Variants in IL1RL1 observed in about 807,000 individuals in gnomAD.
IL1RL1 encodes the protein interleukin 1 receptor like 1, also known as interleukin-1 receptor-like 1.
A neutral mutation model predicts 50.9 loss-of-function variants in IL1RL1; 32 were observed. That is an observed-to-expected ratio of 0.63 (90% CI 0.47 to 0.84). The LOEUF (loss-of-function observed/expected upper bound fraction) is 0.84, where lower values mean the gene tolerates loss of function less well. IL1RL1 is among the 40% of genes least tolerant of loss of function. The probability of loss-of-function intolerance (pLI) is 0.00; values close to 1 mark genes in which losing one functional copy is unlikely to be tolerated. For missense variants in IL1RL1, 773 were observed against 662.9 expected (o/e 1.17, Z -1.82); for synonymous variants, 275 against 236.0 (o/e 1.17, Z -1.51).
intron 10 of IL1RL1, among the ~76,000 whole-genome samples, chr2:102,351,202 TCTA>T (rs1263799936): frequency 1.3e-5 from 2 of 152,278 alleles, no homozygotes; most frequent in Non-Finnish European, 2.9e-5. Context: ...TAATATGTAT[TCTA>T]AGAAGAATGA....
intron 1 of IL1RL1, among the ~76,000 whole-genome samples, chr2:102,333,926 T>A (rs1017221332): frequency 2.6e-5 from 4 of 152,190 alleles, no homozygotes; most frequent in African/African-American, 9.6e-5. Context: ...ATTCTTTTTA[T>A]GGCTGAATAG....
At position 102,349,065 on chromosome 2, in the gene IL1RL1, G is replaced by A. The variant is rs1677861409; in HGVS notation, c.1118-14G>A. The A allele has an allele frequency of 6.2e-7, 1 of 1,608,708 alleles. No individual in the cohort carries two copies. Among genetic ancestry groups the A allele is most frequent in the Non-Finnish European group, 8.5e-7 (1 of 1,175,676 alleles). ...AATCAAGTAAGAAGTTGTACTTCTT[G>A]TTTTCATTTTCAGATGGAAAGCTCT... On this transcript the variant is annotated splice_polypyrimidine_tract_variant and intron_variant, in intron 9 of 10. Coordinates refer to ENST00000233954, the MANE Select transcript of IL1RL1 (RefSeq NM_016232.5).
chr2:102,319,204 A>G (rs1241758889), intron 1 of IL1RL1, among the ~76,000 whole-genome samples: 1 of 152,128 alleles, frequency 6.6e-6, no homozygotes, highest in Non-Finnish European at 1.5e-5. Flanking sequence ...GAGTCAATTA[A>G]AATATCCTGA....
intron 8 of IL1RL1, chr2:102,343,736 T>C: frequency 1.6e-6 from 2 of 1,253,206 alleles, no homozygotes; most frequent in South Asian, 4.2e-5. Context: ...TGAAAGGAAA[T>C]GCACCAACAA....
chr2:102,339,011 T>A lies in IL1RL1; in HGVS notation c.236T>A (p.Val79Asp), dbSNP rs1313685283. Reference protein sequence around the residue: ...GQLLKFLPAAVADSGIYTCIV... With the variant: ...GQLLKFLPAADADSGIYTCIV... ...CTTCTGAAGTTTCTACCAGCTGCAG[T>A]TGCTGATTCTGGTATTTATACCTGT... is the stretch of plus-strand genomic sequence containing the variant. The change falls in exon 3 of 11, where the codon GTT becomes GAT. Residue 79 changes from valine to aspartate, a missense_variant. Coordinates refer to ENST00000233954, the MANE Select transcript of IL1RL1 (RefSeq NM_016232.5). 1 of 1,613,746 alleles carries A rather than the reference T, an allele frequency of 6.2e-7. No homozygotes were observed. The highest frequency in any genetic ancestry group is 2.2e-5 in the East Asian group (1 of 44,884).
At chr2:102,330,232 T>C (rs1021585797) in intron 1 of IL1RL1, among the ~76,000 whole-genome samples, 2 of 151,098 alleles carry the variant, frequency 1.3e-5, no homozygotes, top group Non-Finnish European at 2.9e-5. Context: ...CAGCAAACTA[T>C]CGCAAGGACA....
At chr2:102,333,812 CCA>C (rs993264638) in intron 1 of IL1RL1, among the ~76,000 whole-genome samples, 39 of 152,184 alleles carry the variant, frequency 2.6e-4, no homozygotes, top group African/African-American at 9.4e-4. Flanking sequence ...GGTTTAGCTC[CCA>C]CATATGAGTA....
At chr2:102,311,993 TATA>T (rs1466061258) in intron 1 of IL1RL1, among the ~76,000 whole-genome samples, 1 of 32,156 alleles carries the variant, frequency 3.1e-5, no homozygotes, top group African/African-American at 2.2e-4. Context: ...ATATATTATA[TATA>T]ATATATTTAT....
intron 5 of IL1RL1, among the ~76,000 whole-genome samples, 188 bp from the exon 6 acceptor site, chr2:102,342,035 C>T (rs1442841682): frequency 1.4e-5 from 2 of 138,964 alleles, no homozygotes; most frequent in African/African-American, 5.7e-5. Flanking sequence ...TATTTAAGTG[C>T]CTTTCTGTTT....
chr2:102,318,986 A>G (rs1676758778), intron 1 of IL1RL1, among the ~76,000 whole-genome samples: 1 of 152,206 alleles, frequency 6.6e-6, no homozygotes, highest in Admixed American at 6.5e-5. Context: ...AAACAAACAA[A>G]CCAAACAAAC....
At chr2:102,327,910 G>A (rs1369479525) in intron 1 of IL1RL1, among the ~76,000 whole-genome samples, 3 of 152,104 alleles carry the variant, frequency 2.0e-5, no homozygotes, top group Admixed American at 6.5e-5. Flanking sequence ...ATTCACAGCC[G>A]AATTCTACCA....
chr2:102,314,622 G>T (rs1369380701), intron 1 of IL1RL1, among the ~76,000 whole-genome samples: 1 of 151,948 alleles, frequency 6.6e-6, no homozygotes, highest in Non-Finnish European at 1.5e-5. Flanking sequence ...GGCCAATTTT[G>T]AGCCCATTCT....
At chr2:102,312,475 G>A (rs1485843017) in intron 1 of IL1RL1, among the ~76,000 whole-genome samples, 2 of 151,938 alleles carry the variant, frequency 1.3e-5, no homozygotes, top group East Asian at 1.9e-4. Flanking sequence ...GAGCTTTATA[G>A]TATACACACA....
intron 1 of IL1RL1, among the ~76,000 whole-genome samples, chr2:102,312,667 G>A (rs1676552508): frequency 6.6e-6 from 1 of 151,974 alleles, no homozygotes; most frequent in Non-Finnish European, 1.5e-5. Flanking sequence ...CATGAGAGGG[G>A]TGGATATGAG....
intron 1 of IL1RL1, among the ~76,000 whole-genome samples, chr2:102,317,417 C>G (rs1676710307): frequency 1.3e-5 from 2 of 152,130 alleles, no homozygotes; most frequent in Non-Finnish European, 2.9e-5. Context: ...CAATATTACA[C>G]TGTTACAGAT....
intron 1 of IL1RL1, among the ~76,000 whole-genome samples, chr2:102,322,353 A>G (rs1329875167): frequency 6.6e-6 from 1 of 152,220 alleles, no homozygotes; most frequent in Non-Finnish European, 1.5e-5. Flanking sequence ...ATATGGAAAA[A>G]TGGAAATAAA....
Position 102,338,102 on chromosome 2 carries a change from A to G in IL1RL1, c.-149-14A>G, listed in dbSNP as rs541282195. On this transcript the variant is annotated splice_polypyrimidine_tract_variant and intron_variant, in intron 1 of 10. Coordinates refer to ENST00000233954, the MANE Select transcript of IL1RL1 (RefSeq NM_016232.5). ...AAAAATTCTGTTTATGGTTTTGTCT[A>G]ACTTATTTTTCAGTTGAGATATAGG... 25 of 450,330 alleles carry G rather than the reference A, an allele frequency of 5.6e-5. No individual in the cohort carries two copies. The South Asian group carries it at 1.2e-3, about 22-fold the overall frequency. The allele number at this position is 450,330 out of a possible 1,614,324, so 27.9% of individuals were successfully genotyped here.
At position 102,349,062 on chromosome 2, in the gene IL1RL1, C is replaced by T; in HGVS notation, c.1118-17C>T. The T allele has an allele frequency of 6.2e-7, 1 of 1,607,230 alleles. No homozygotes were observed. On this transcript the variant is annotated splice_polypyrimidine_tract_variant and intron_variant, in intron 9 of 10. Transcript: ENST00000233954. ...TAGAATCAAGTAAGAAGTTGTACTT[C>T]TTGTTTTCATTTTCAGATGGAAAGC... is the stretch of plus-strand genomic sequence containing the variant.
chr2:102,338,321 G>A lies in IL1RL1; in HGVS notation c.57G>A (p.Lys19=), dbSNP rs1677407345. 1.3e-6 allele frequency: 2 copies of A among 1,570,868 alleles called. No homozygotes were observed. The highest frequency in any genetic ancestry group is 1.1e-5 in the South Asian group (1 of 88,792). Residue 19 remains lysine, a synonymous_variant, in exon 2 of 11, where the codon AAG becomes AAA. Transcript: ENST00000233954. The stretch of plus-strand genomic sequence containing the variant: ...TTCTCATGTATTCCACAGCAGCAAA[G>A]TTTAGTAAGTATTGCCTTCTAAGTA... ...LTILMYSTAA[K]FSKQSWGLEN... is the part of the protein sequence containing the mutation.
Sources: allele counts gnomAD v4.1 joint callset (sites outside exome capture counted in the v4.1 genomes callset), GRCh38; gene constraint gnomAD v4.1.1; transcripts MANE v1.5; gene names NCBI Gene and HGNC (gene_info 2026-07-23, HGNC 2026-07-21).